Variants in CFD observed in about 807,000 individuals in gnomAD.
The protein encoded by CFD is complement factor D, also known as C3 convertase activator.
Under a neutral mutation model 21.1 loss-of-function variants are expected in CFD, and 24 were observed. The ratio of observed to expected loss-of-function variants is 1.14; its 90% CI spans 0.82 to 1.60. CFD has a LOEUF of 1.60. Ranked by LOEUF, CFD falls within the 40% of genes most tolerant of loss-of-function variation. The pLI, the probability that CFD is intolerant of heterozygous loss-of-function variation, is 0.00. For synonymous variants in CFD, 242 were observed against 175.9 expected (o/e 1.38, Z -2.97); for missense variants, 535 against 383.3 (o/e 1.40, Z -3.31).
chr19:861,985 G>A, intron 4 of CFD, 29 bp downstream of exon 4: 2 of 1,529,536 alleles, frequency 1.3e-6, no homozygotes, highest in South Asian at 2.4e-5. Context: ...GAGGAGACGC[G>A]GGGCCTGCAG....
At position 859,671 on chromosome 19, in the gene CFD, C is replaced by G. The variant is rs1022651350; in HGVS notation, c.-19C>G. ...CAGGGCCCTGCCTGGGTCAGTGTCT[C>G]AGCCACAGCGGCTTCACCATGCACA... On this transcript the variant is annotated 5_prime_UTR_variant, in exon 1 of 5. Coordinates refer to ENST00000327726, the MANE Select transcript of CFD (RefSeq NM_001928.4). 1 of 1,557,656 alleles carries G rather than the reference C, an allele frequency of 6.4e-7. No individual in the cohort carries two copies.
At chr19:860,516 T>C in intron 1 of CFD, 101 bp from the exon 2 acceptor site, 1 of 1,250,392 alleles carries the variant, frequency 8.0e-7, no homozygotes, top group South Asian at 1.9e-5. Flanking sequence ...ATGGGATTCT[T>C]GCGGGGAGCG....
chr19:862,029 C>T, intron 4 of CFD, 73 bp downstream of exon 4: 3 of 1,323,256 alleles, frequency 2.3e-6, no homozygotes, highest in East Asian at 3.7e-5. Context: ...GAGCGCGAAG[C>T]GGGGGGCAAG....
At position 859,738 on chromosome 19, in the gene CFD, G is replaced by C. The variant is rs757038801; in HGVS notation, c.49G>C (p.Ala17Pro). 1.9e-6 allele frequency: 3 copies of C among 1,570,778 alleles called. No homozygotes were observed. The highest frequency in any genetic ancestry group is 3.7e-5 in the Admixed American group (2 of 53,496). The change falls in exon 1 of 5, where the codon GCC (alanine) becomes CCC (proline). Residue 17 changes from alanine (A) to proline (P), a missense_variant. Physicochemically the swap from Ala to Pro is conservative, Grantham distance 27 (BLOSUM62 -1). Transcript: ENST00000327726. The part of the protein sequence containing the change: ...LAVLVLLGAA[A>P]CAAPPRGRIL... ...AGTTCTGGTCCTCCTAGGAGCGGCC[G>C]CCTGCGGTGAGGAGGCCTGGGCCTG...
At chr19:862,962 G>A (rs1323464731) in intron 4 of CFD, 130 bp from the exon 5 acceptor site, 10 of 964,524 alleles carry the variant, frequency 1.0e-5, no homozygotes, top group African/African-American at 1.6e-5. Context: ...ATTGACTAGT[G>A]AAGACCAAAT....
chr19:860,430 A>ACCCCCC (rs57197777), intron 1 of CFD, among the ~76,000 whole-genome samples, 187 bp from the exon 2 acceptor site: 6 of 140,378 alleles, frequency 4.3e-5, no homozygotes, highest in Admixed American at 7.1e-5. Flanking sequence ...CATGATCTGC[A>ACCCCCC]CCCCCCCCTC....
chr19:860,850 C>A lies in CFD; in HGVS notation c.213-11C>A. ...GGCTGGCACCGACCGCGGACTCCGT[C>A]CGGTCCCCAGGGCCGACGGGAAGGT... On this transcript the variant is annotated splice_polypyrimidine_tract_variant and intron_variant, in intron 2 of 4. Coordinates refer to ENST00000327726, the MANE Select transcript of CFD (RefSeq NM_001928.4). 6.4e-7 allele frequency: 1 copy of A among 1,564,584 alleles called. No homozygotes were observed. Among genetic ancestry groups the A allele is most frequent in the Non-Finnish European group, 8.6e-7 (1 of 1,161,618 alleles).
rs72984024 is a variant in CFD at position 863,601 on chromosome 19, C to G, written c.*363C>G. The G allele has an allele frequency of 2.0e-5, 4 of 196,694 alleles. No homozygotes were observed. The highest frequency in any genetic ancestry group is 1.1e-4 in the East Asian group (1 of 8,876). The allele number at this position is 196,694 out of a possible 1,614,324, so 12.2% of individuals were successfully genotyped here. A position where few individuals can be genotyped will look rare whatever the true frequency, so the allele number is the denominator to read the frequency against. On this transcript the variant is annotated 3_prime_UTR_variant, in exon 5 of 5. Transcript: ENST00000327726. ...TGGGCAACAGAGTGAAACCTTGTCT[C>G]TCTCTACAAAAAAAAAAAAAAAATT... is the stretch of plus-strand genomic sequence containing the variant.
intron 4 of CFD, 28 bp downstream of exon 4, chr19:861,984 C>CG: frequency 6.5e-7 from 1 of 1,528,110 alleles, no homozygotes; most frequent in Non-Finnish European, 8.7e-7. Flanking sequence ...GGAGGAGACG[C>CG]GGGGCCTGCA....
At position 860,751 on chromosome 19, in the gene CFD, G is replaced by A. The variant is rs753471486; in HGVS notation, c.190G>A (p.Ala64Thr). 23 of 1,567,150 alleles carry A rather than the reference G, an allele frequency of 1.5e-5. No individual in the cohort carries two copies. In the East Asian group the frequency reaches 2.8e-4, roughly 19 times the overall value. The stretch of plus-strand genomic sequence containing the variant: ...GGTGGCGGAGCAGTGGGTGCTGAGC[G>A]CGGCGCACTGCCTGGAGGACGCGTG... Reference protein sequence around the residue: ...VLVAEQWVLSAAHCLEDAADG... With the variant: ...VLVAEQWVLSTAHCLEDAADG... The change falls in exon 2 of 5, where the codon GCG becomes ACG. Residue 64 changes from alanine to threonine, a missense_variant. Physicochemically the swap from Ala to Thr is moderately conservative, Grantham distance 58 (BLOSUM62 0). Coordinates refer to ENST00000327726, the MANE Select transcript of CFD (RefSeq NM_001928.4).
chr19:860,588 G>A (rs2035772126), intron 1 of CFD, 29 bp from the exon 2 acceptor site: 2 of 1,402,708 alleles, frequency 1.4e-6, no homozygotes, highest in South Asian at 1.5e-5. Flanking sequence ...AGTCCACCCC[G>A]CGGCCCTCAC....
Position 859,667 on chromosome 19 carries a change from G to T in CFD, c.-23G>T. ...CCCCCAGGGCCCTGCCTGGGTCAGT[G>T]TCTCAGCCACAGCGGCTTCACCATG... On this transcript the variant is annotated 5_prime_UTR_variant, in exon 1 of 5. Coordinates refer to ENST00000327726, the MANE Select transcript of CFD (RefSeq NM_001928.4). 1 of 1,555,644 alleles carries T rather than the reference G, an allele frequency of 6.4e-7. No individual in the cohort carries two copies. The highest frequency in any genetic ancestry group is 8.7e-7 in the Non-Finnish European group (1 of 1,149,750).
rs966871678 is a variant in CFD, at chr19:861,899, C to G, written c.558C>G (p.Asp186Glu). 1.3e-6 allele frequency: 2 copies of G among 1,581,416 alleles called. No individual in the cohort carries two copies. The highest frequency in any genetic ancestry group is 4.6e-5 in the East Asian group (2 of 43,784). The change falls in exon 4 of 5, where the codon GAC becomes GAG. Residue 186 changes from aspartate (D) to glutamate (E), a missense_variant. By Grantham distance (45) the Asp-to-Glu change is conservative (BLOSUM62 2). Coordinates refer to ENST00000327726, the MANE Select transcript of CFD (RefSeq NM_001928.4). The part of the protein sequence containing the change: ...RATCNRRTHH[D>E]GAITERLMCA... ...CCTGCAACCGGCGCACGCACCACGA[C>G]GGCGCCATCACCGAGCGCTTGATGT... is the stretch of plus-strand genomic sequence containing the variant.
In CFD at chr19:862,036, C is replaced by T; in HGVS notation, c.615+80C>T. The T allele has an allele frequency of 1.1e-5, 14 of 1,318,194 alleles. No individual in the cohort carries two copies. In the South Asian group the frequency reaches 1.9e-4, roughly 18 times the overall value. 81.7% of individuals were successfully genotyped at this position (1,318,194 alleles called of 1,614,324 possible). A position where few individuals can be genotyped will look rare whatever the true frequency, so the allele number is the denominator to read the frequency against. On this transcript the variant is annotated intron_variant, in intron 4 of 4. Transcript: ENST00000327726. ...TGCAGAGGGAGCGCGAAGCGGGGGG[C>T]AAGTAGGAACAGGGCCCAGGGAAGG... is the stretch of plus-strand genomic sequence containing the variant.
chr19:863,392 A>C lies in CFD; in HGVS notation c.*154A>C, dbSNP rs982477818. On this transcript the variant is annotated 3_prime_UTR_variant, in exon 5 of 5. Coordinates refer to ENST00000327726, the MANE Select transcript of CFD (RefSeq NM_001928.4). ...GATCATTGGATCTCAGGAGTTCGAG[A>C]TCAGCATGGGCCACGTAGCGCGACT... 2 of 873,504 alleles carry C rather than the reference A, an allele frequency of 2.3e-6. No individual in the cohort carries two copies. Among genetic ancestry groups the C allele is most frequent in the Non-Finnish European group, 3.6e-6 (2 of 549,094 alleles). The allele number at this position is 873,504 out of a possible 1,614,324, so 54.1% of individuals were successfully genotyped here. A position where few individuals can be genotyped will look rare whatever the true frequency, so the allele number is the denominator to read the frequency against.
intron 1 of CFD, among the ~76,000 whole-genome samples, chr19:860,184 C>CT (rs1275211697): frequency 1.2e-4 from 18 of 151,154 alleles, no homozygotes; most frequent in Admixed American, 9.9e-4. Flanking sequence ...AAACGGGATT[C>CT]TTTTTTTTCT....
rs10506 is a variant in CFD at position 863,356 on chromosome 19, C to T, written c.*118C>T. 171,011 of 1,231,400 alleles carry T rather than the reference C, an allele frequency of 0.14. 17,350 individuals carry two copies. Among genetic ancestry groups the T allele is most frequent in the East Asian group, 0.56 (21,658 of 38,800 alleles). 76.3% of individuals were successfully genotyped at this position (1,231,400 alleles called of 1,614,324 possible). A position where few individuals can be genotyped will look rare whatever the true frequency, so the allele number is the denominator to read the frequency against. ...ACCTACTATATGCAGAAGGGGAGGC[C>T]GAGGTGGGAGGATCATTGGATCTCA... On this transcript the variant is annotated 3_prime_UTR_variant, in exon 5 of 5. Coordinates refer to ENST00000327726, the MANE Select transcript of CFD (RefSeq NM_001928.4).
chr19:860,354 T>C (rs2035767202), intron 1 of CFD, among the ~76,000 whole-genome samples: 1 of 151,786 alleles, frequency 6.6e-6, no homozygotes, highest in Admixed American at 6.6e-5. Flanking sequence ...CTAAATTTTG[T>C]ATTTTTTTTT....
At chr19:860,429 C>T (rs1317991044) in intron 1 of CFD, among the ~76,000 whole-genome samples, 188 bp from the exon 2 acceptor site, 2 of 115,360 alleles carry the variant, frequency 1.7e-5, no homozygotes, top group East Asian at 2.5e-4. Context: ...TCATGATCTG[C>T]ACCCCCCCCT....
Sources: gnomAD v4.1 joint callset for allele counts (sites outside exome capture counted in the v4.1 genomes callset) on GRCh38, gnomAD v4.1.1 for gene constraint, MANE v1.5 for transcripts, NCBI Gene and HGNC (gene_info 2026-07-23, HGNC 2026-07-21) for gene names.